Variants in TMEM132B observed in about 807,000 individuals in gnomAD.
TMEM132B encodes the protein transmembrane protein 132B.
Under a neutral mutation model 90.8 loss-of-function variants are expected in TMEM132B, and 18 were observed. The observed-to-expected ratio is 0.20, with a 90% CI of 0.14 to 0.29. TMEM132B has a LOEUF of 0.29. Among genes scored for constraint, TMEM132B ranks in the 10% least tolerant of loss-of-function variants. TMEM132B has a pLI of 1.00. For synonymous variants in TMEM132B, 504 were observed against 523.3 expected (o/e 0.96, Z 0.50); for missense variants, 1,096 against 1,326.8 (o/e 0.83, Z 2.70).
chr12:125,288,181 G>C (rs1438420007), intron 1 of TMEM132B, among the ~76,000 whole-genome samples: 2 of 150,982 alleles, frequency 1.3e-5, no homozygotes, highest in South Asian at 2.1e-4. Flanking sequence ...GCCTCTTTCT[G>C]TTTTAAAGAG....
chr12:125,221,284 A>C (rs1036476412), intron 1 of TMEM132B, among the ~76,000 whole-genome samples: 11 of 152,198 alleles, frequency 7.2e-5, no homozygotes, highest in African/African-American at 2.4e-5. Context: ...AGTAAATACT[A>C]ATGGAATAAT....
At chr12:125,434,099 T>A (rs2136411370) in intron 3 of TMEM132B, among the ~76,000 whole-genome samples, 1 of 152,350 alleles carries the variant, frequency 6.6e-6, no homozygotes, top group Admixed American at 6.5e-5. Flanking sequence ...GTTGCCTCCC[T>A]CCTGACAGCT....
At chr12:125,231,556 C>A (rs1403776540) in intron 1 of TMEM132B, among the ~76,000 whole-genome samples, 1 of 152,074 alleles carries the variant, frequency 6.6e-6, no homozygotes, top group African/African-American at 2.4e-5. Flanking sequence ...ATTTATATTG[C>A]CCATGTCCCA....
chr12:125,644,379 C>G, intron 6 of TMEM132B, 98 bp downstream of exon 6: 2 of 1,337,622 alleles, frequency 1.5e-6, no homozygotes, highest in Non-Finnish European at 2.1e-6. Context: ...CATTGGGAAG[C>G]AACATCCACA....
At chr12:125,624,008 G>T (rs557177010) in intron 5 of TMEM132B, among the ~76,000 whole-genome samples, 6 of 152,340 alleles carry the variant, frequency 3.9e-5, no homozygotes, top group African/African-American at 1.4e-4. Flanking sequence ...AGAAAGCAGT[G>T]CAGTGATCCC....
intron 1 of TMEM132B, among the ~76,000 whole-genome samples, chr12:125,339,844 C>A (rs1181243354): frequency 6.6e-6 from 1 of 152,142 alleles, no homozygotes; most frequent in Non-Finnish European, 1.5e-5. Flanking sequence ...AGACCCTGTC[C>A]CAAAATACAG....
intron 5 of TMEM132B, among the ~76,000 whole-genome samples, chr12:125,593,826 C>A (rs1004656476): frequency 6.6e-6 from 1 of 152,114 alleles, no homozygotes; most frequent in Non-Finnish European, 1.5e-5. Flanking sequence ...ATGTAGACAA[C>A]GGTATGAATG....
chr12:125,282,857 G>C (rs1875236802), intron 1 of TMEM132B, among the ~76,000 whole-genome samples: 1 of 152,172 alleles, frequency 6.6e-6, no homozygotes, highest in South Asian at 2.1e-4. Flanking sequence ...ATACCTGGTA[G>C]TGTTCTCTTT....
rs1882366657 is a variant in TMEM132B at position 125,492,057 on chromosome 12, A to C, written c.1107-27382A>C. Reference sequence around the variant, plus strand: ...CAGGGTATTACTGGAAAAGGGGAAAATTTAATCAAGGAGGATCAATACTGC... The same window carrying C: ...CAGGGTATTACTGGAAAAGGGGAAACTTTAATCAAGGAGGATCAATACTGC... On this transcript the variant is annotated intron_variant, in intron 3 of 8. Coordinates refer to ENST00000682704, the MANE Select transcript of TMEM132B (RefSeq NM_001366854.1). The surrounding 1 kb of genome is among the most constrained non-coding windows in gnomAD (Gnocchi z 5.8). 6.6e-6 allele frequency among the ~76,000 whole-genome samples: 1 copy of C among 152,150 alleles called. No homozygotes were observed. Among genetic ancestry groups the C allele is most frequent in the Non-Finnish European group, 1.5e-5 (1 of 68,026 alleles).
chr12:125,505,041 A>T (rs1453649602), intron 3 of TMEM132B, among the ~76,000 whole-genome samples: 1 of 152,016 alleles, frequency 6.6e-6, no homozygotes, highest in Non-Finnish European at 1.5e-5. Flanking sequence ...TAACAACATG[A>T]TTCTTCAGAC....
intron 4 of TMEM132B, among the ~76,000 whole-genome samples, chr12:125,578,676 A>G (rs1429328521): frequency 1.3e-5 from 2 of 152,044 alleles, no homozygotes; most frequent in Non-Finnish European, 1.5e-5. Context: ...GTTTGTGACA[A>G]TTTCTTCATT....
chr12:125,382,310 T>C (rs1205949001), intron 2 of TMEM132B, among the ~76,000 whole-genome samples: 1 of 152,216 alleles, frequency 6.6e-6, no homozygotes, highest in Non-Finnish European at 1.5e-5. Context: ...TAGTAGCATC[T>C]CCATTTTTCT....
intron 3 of TMEM132B, among the ~76,000 whole-genome samples, chr12:125,517,613 C>A (rs1213668188): frequency 1.3e-5 from 2 of 152,098 alleles, no homozygotes; most frequent in Non-Finnish European, 2.9e-5. Flanking sequence ...CCCACGGGAG[C>A]CCCTAAACTT....
chr12:125,260,192 C>A (rs902731123), intron 1 of TMEM132B, among the ~76,000 whole-genome samples: 6 of 152,122 alleles, frequency 3.9e-5, no homozygotes, highest in African/African-American at 1.4e-4. Context: ...GTTTGGTCAA[C>A]GTTTATGGAG....
chr12:125,379,185 AAT>A (rs1318257004), intron 2 of TMEM132B, among the ~76,000 whole-genome samples: 5 of 152,250 alleles, frequency 3.3e-5, no homozygotes. Flanking sequence ...AGAACCTGTG[AAT>A]ATGTTATGTT....
At chr12:125,326,739 T>G (rs1375073905) in intron 1 of TMEM132B, 2 of 1,509,164 alleles carry the variant, frequency 1.3e-6, no homozygotes, top group East Asian at 4.6e-5. Flanking sequence ...CAAGGGGAGG[T>G]TTTCCTATGT....
chr12:125,451,396 A>T (rs1566040177), intron 3 of TMEM132B, among the ~76,000 whole-genome samples: 1 of 152,178 alleles, frequency 6.6e-6, no homozygotes, highest in Non-Finnish European at 1.5e-5. Flanking sequence ...GGAGAGAGAG[A>T]GACAGAGAAT....
intron 3 of TMEM132B, among the ~76,000 whole-genome samples, chr12:125,514,869 C>A (rs940351984): frequency 4.6e-5 from 7 of 152,168 alleles, no homozygotes; most frequent in Admixed American, 1.3e-4. Flanking sequence ...CTCTGCTGCC[C>A]TGTGTCTTCT....
At chr12:125,403,358 G>A (rs1483928435) in intron 2 of TMEM132B, among the ~76,000 whole-genome samples, 2 of 152,308 alleles carry the variant, frequency 1.3e-5, no homozygotes, top group East Asian at 3.9e-4. Context: ...ACCTGTCAAA[G>A]CGTTGCCCAA....
Sources: gnomAD v4.1 joint callset for allele counts (sites outside exome capture counted in the v4.1 genomes callset) on GRCh38, gnomAD v4.1.1 for gene constraint, Gnocchi (gnomAD v3.1) non-coding constraint, MANE v1.5 for transcripts, NCBI Gene and HGNC (gene_info 2026-07-23, HGNC 2026-07-21) for gene names.